Variants in HIBCH observed in about 807,000 individuals in gnomAD.
The protein encoded by HIBCH is 3-hydroxyisobutyryl-CoA hydrolase.
In HIBCH, 50 loss-of-function variants were observed where a neutral mutation model predicts 58.2. That is an observed-to-expected ratio of 0.86 (90% CI 0.68 to 1.09). The LOEUF (loss-of-function observed/expected upper bound fraction) is 1.09. Ranked by LOEUF, HIBCH falls within the 50% of genes least tolerant of loss-of-function variation. The probability of loss-of-function intolerance (pLI) is 0.00; values close to 1 mark genes in which losing one functional copy is unlikely to be tolerated. For synonymous variants in HIBCH, 151 were observed against 146.9 expected (o/e 1.03, Z -0.20); for missense variants, 450 against 449.7 (o/e 1.00, Z -0.01).
chr2:190,310,952 C>T (rs1688540030), intron 1 of HIBCH, 156 bp from the exon 2 acceptor site: 1 of 709,468 alleles, frequency 1.4e-6, no homozygotes, highest in Non-Finnish European at 2.6e-6. Context: ...CTGGTAGGAA[C>T]ATTAAATGGT....
chr2:190,199,803 A>C, downstream of HIBCH: 2 of 1,577,994 alleles, frequency 1.3e-6, no homozygotes, highest in Non-Finnish European at 1.7e-6. Context: ...ATTGTTTTCT[A>C]AAGATGGCCT....
intron 6 of HIBCH, among the ~76,000 whole-genome samples, chr2:190,274,460 G>A (rs948715522): frequency 3.3e-5 from 5 of 152,216 alleles, no homozygotes; most frequent in South Asian, 2.1e-4. Context: ...TAATGTATAC[G>A]CTCATTATTT....
chr2:190,266,759 A>G (rs1687251686), intron 6 of HIBCH, among the ~76,000 whole-genome samples: 1 of 149,386 alleles, frequency 6.7e-6, no homozygotes, highest in Non-Finnish European at 1.5e-5. Context: ...TTTATTTTTA[A>G]TTAATTTATA....
intron 7 of HIBCH, among the ~76,000 whole-genome samples, chr2:190,255,845 G>C (rs1047380704): frequency 6.6e-6 from 1 of 151,926 alleles, no homozygotes; most frequent in African/African-American, 2.4e-5. Flanking sequence ...GAGAGAGAGA[G>C]AGAGTGTGTG....
chr2:190,264,104 C>T (rs182908414), intron 6 of HIBCH, among the ~76,000 whole-genome samples: 614 of 152,154 alleles, frequency 4.0e-3, no homozygotes, highest in African/African-American at 0.014. Context: ...AAACATATCA[C>T]GTCATTCTCC....
rs1396197330 is a variant in HIBCH at position 190,207,155 on chromosome 2, A to G, written c.1045+1725T>C. Among the ~76,000 whole-genome samples the G allele has an allele frequency of 6.6e-6, 1 of 152,172 alleles. No individual in the cohort carries two copies. The highest frequency in any genetic ancestry group is 1.5e-5 in the Non-Finnish European group (1 of 68,032). On this transcript the variant is annotated intron_variant, in intron 13 of 13. Transcript: ENST00000359678. The surrounding 1 kb of genome is among the most constrained non-coding windows in gnomAD (Gnocchi z 4.5). ...AAACAAAACAAAAAAAAGTCGTATA[A>G]TAAGCACTTCCTTTATGAATCAGAA...
chr2:190,211,210 T>C lies in HIBCH; in HGVS notation c.1011+1746A>G, dbSNP rs1575694613. 2.6e-5 allele frequency among the ~76,000 whole-genome samples: 4 copies of C among 152,258 alleles called. No homozygotes were observed. The East Asian group carries it at 7.7e-4, about 29-fold the overall frequency. ...TTTAGTAAATAACGAATCCCCAAGG[T>C]TTTCTTAATTGCTGTTGGTGTCTTT... On this transcript the variant is annotated intron_variant, in intron 12 of 13. Transcript: ENST00000359678. The surrounding 1 kb of genome is among the most constrained non-coding windows in gnomAD (Gnocchi z 5.0).
At chr2:190,249,327 C>T (rs1357288777) in intron 9 of HIBCH, among the ~76,000 whole-genome samples, 1 of 152,104 alleles carries the variant, frequency 6.6e-6, no homozygotes, top group Admixed American at 6.5e-5. Flanking sequence ...TTTGCATCTC[C>T]ACAAATAGTG....
chr2:190,194,585 G>A (rs1267338907), intron 1 of HIBCH, among the ~76,000 whole-genome samples: 1 of 151,744 alleles, frequency 6.6e-6, no homozygotes, highest in Non-Finnish European at 1.5e-5. Context: ...TTCATTCCTG[G>A]TGTTGTACAA....
rs74407425 is a variant in HIBCH at position 190,217,744 on chromosome 2, G to A, written c.892-4669C>T. Among the ~76,000 whole-genome samples the A allele has an allele frequency of 6.7e-3, 1,015 of 152,218 alleles. 11 individuals carry two copies. Among genetic ancestry groups the A allele is most frequent in the African/African-American group, 0.022 (921 of 41,532 alleles). ...AGAAGACATGCTCCACCCAAGCTGG[G>A]AAAGTCCGTAACAAGTGCTCCTAAT... On this transcript the variant is annotated intron_variant, in intron 11 of 13. Coordinates refer to ENST00000359678, the MANE Select transcript of HIBCH (RefSeq NM_014362.4). The surrounding 1 kb of genome is among the most constrained non-coding windows in gnomAD (Gnocchi z 4.6).
chr2:190,284,277 T>C (rs1456444936), intron 6 of HIBCH, among the ~76,000 whole-genome samples: 1 of 152,166 alleles, frequency 6.6e-6, no homozygotes, highest in Non-Finnish European at 1.5e-5. Context: ...ATATGAGGAA[T>C]ATATACAAAC....
rs1211274564 is a variant in HIBCH at position 190,204,672 on chromosome 2, A to G, written c.*445T>C. ...TCAGGGTCTTTATTTTTTATATTGT[A>G]TACCTAAGTTGATTTCATCAACATA... is the stretch of plus-strand genomic sequence containing the variant. On this transcript the variant is annotated 3_prime_UTR_variant, in exon 14 of 14. Coordinates refer to ENST00000359678, the MANE Select transcript of HIBCH (RefSeq NM_014362.4). 1 of 176,514 alleles carries G rather than the reference A, an allele frequency of 5.7e-6. No homozygotes were observed. The highest frequency in any genetic ancestry group is 1.2e-5 in the Non-Finnish European group (1 of 82,700). 10.9% of individuals were successfully genotyped at this position (176,514 alleles called of 1,614,324 possible).
At chr2:190,313,206 G>C (rs1280041699) in intron 1 of HIBCH, among the ~76,000 whole-genome samples, 1 of 150,112 alleles carries the variant, frequency 6.7e-6, no homozygotes, top group Non-Finnish European at 1.5e-5. Flanking sequence ...CATGCTCACG[G>C]GCATGTTCGA....
intron 2 of HIBCH, among the ~76,000 whole-genome samples, chr2:190,297,902 C>T (rs1688146149): frequency 6.6e-6 from 1 of 151,892 alleles, no homozygotes; most frequent in Non-Finnish European, 1.5e-5. Context: ...TTCTCCCTCC[C>T]CTTGCCCCCC....
intron 11 of HIBCH, among the ~76,000 whole-genome samples, chr2:190,229,407 C>G (rs1285128487): frequency 6.6e-6 from 1 of 152,180 alleles, no homozygotes; most frequent in Non-Finnish European, 1.5e-5. Context: ...ATTTTGCTCT[C>G]CTCTGAATAA....
intron 1 of HIBCH, among the ~76,000 whole-genome samples, chr2:190,317,481 T>C (rs1006753709): frequency 5.9e-5 from 9 of 152,208 alleles, no homozygotes; most frequent in African/African-American, 1.7e-4. Context: ...TGTTCATCCA[T>C]GAATATACTG....
At chr2:190,265,648 A>C (rs927563405) in intron 6 of HIBCH, among the ~76,000 whole-genome samples, 1 of 152,154 alleles carries the variant, frequency 6.6e-6, no homozygotes, top group Non-Finnish European at 1.5e-5. Context: ...CTTATGGTAC[A>C]TTTAGTGTAT....
intron 4 of HIBCH, among the ~76,000 whole-genome samples, chr2:190,291,848 G>A (rs898812932): frequency 3.3e-5 from 5 of 152,134 alleles, no homozygotes; most frequent in African/African-American, 1.2e-4. Context: ...TGCCTTTCTT[G>A]TCTTTAAGTC....
At position 190,212,935 on chromosome 2, in the gene HIBCH, A is replaced by AT. The variant is rs144660628; in HGVS notation, c.1011+20dup. 7.0e-3 allele frequency: 10,573 copies of AT among 1,501,340 alleles called. 343 individuals carry two copies. The African/African-American group carries it at 0.1, about 15-fold the overall frequency. 93.0% of individuals were successfully genotyped at this position (1,501,340 alleles called of 1,614,324 possible). A position where few individuals can be genotyped will look rare whatever the true frequency, so the allele number is the denominator to read the frequency against. ...GTTACTTTTAGAACTAAAAAATGAC[A>AT]TTTTTTTTTTAAATTCTTACCATAC... On this transcript the variant is annotated intron_variant, in intron 12 of 13. Transcript: ENST00000359678.
Sources: gnomAD v4.1 joint callset for allele counts (sites outside exome capture counted in the v4.1 genomes callset) on GRCh38, gnomAD v4.1.1 for gene constraint, Gnocchi (gnomAD v3.1) non-coding constraint, MANE v1.5 for transcripts, NCBI Gene and HGNC (gene_info 2026-07-23, HGNC 2026-07-21) for gene names.